The following TTC29 variants were observed in gnomAD, a reference collection of about 807,000 sequenced individuals.
TTC29 encodes tetratricopeptide repeat domain 29, also known as tetratricopeptide repeat protein 29.
In TTC29, 49 loss-of-function variants were observed where a neutral mutation model predicts 58.1. The observed-to-expected ratio is 0.84, with a 90% confidence interval of 0.67 to 1.07. TTC29 has a LOEUF of 1.07. Ranked by LOEUF, TTC29 falls within the 50% of genes least tolerant of loss-of-function variation. TTC29 has a pLI of 0.00. For synonymous variants in TTC29, 209 were observed against 196.8 expected (o/e 1.06, Z -0.52); for missense variants, 582 against 555.6 (o/e 1.05, Z -0.48).
chr4:146,897,549 T>C (rs1732852674), intron 6 of TTC29, among the ~76,000 whole-genome samples: 1 of 152,196 alleles, frequency 6.6e-6, no homozygotes. Flanking sequence ...CTGCTGATCA[T>C]GCAGGGGAGG....
At chr4:146,856,016 T>A (rs1306981624) in intron 8 of TTC29, among the ~76,000 whole-genome samples, 1 of 152,206 alleles carries the variant, frequency 6.6e-6, no homozygotes, top group Admixed American at 6.5e-5. Flanking sequence ...TGATGAACTA[T>A]GCAGGTTGCT....
intron 11 of TTC29, among the ~76,000 whole-genome samples, chr4:146,756,120 A>C (rs1309527491): frequency 6.6e-6 from 1 of 151,994 alleles, no homozygotes; most frequent in Non-Finnish European, 1.5e-5. Flanking sequence ...TAAAAATACA[A>C]AAAATTAGCC....
intron 10 of TTC29, among the ~76,000 whole-genome samples, chr4:146,804,244 G>A (rs901511235): frequency 3.9e-5 from 6 of 152,238 alleles, no homozygotes; most frequent in Admixed American, 1.3e-4. Context: ...CATGGTCTTC[G>A]CAACCCACAG....
chr4:146,829,762 G>A (rs1335390683), intron 9 of TTC29, among the ~76,000 whole-genome samples: 1 of 152,094 alleles, frequency 6.6e-6, no homozygotes, highest in Non-Finnish European at 1.5e-5. Flanking sequence ...AAGTTTTCTA[G>A]GAAATAATTT....
intron 8 of TTC29, among the ~76,000 whole-genome samples, chr4:146,841,201 G>A (rs964515922): frequency 3.3e-5 from 5 of 152,128 alleles, no homozygotes; most frequent in Non-Finnish European, 7.4e-5. Context: ...CATGTTTGGT[G>A]AAATTTGCCG....
intron 10 of TTC29, among the ~76,000 whole-genome samples, chr4:146,819,602 T>C (rs565190560): frequency 6.6e-6 from 1 of 152,332 alleles, no homozygotes; most frequent in East Asian, 1.9e-4. Context: ...TTTGGACTTT[T>C]TTGTTCTTCT....
rs190105406 is a variant in TTC29 at position 146,845,095 on chromosome 4, A to G, written c.886-11198T>C. On this transcript the variant is annotated intron_variant, in intron 8 of 12. Coordinates refer to ENST00000325106, the MANE Select transcript of TTC29 (RefSeq NM_031956.4). ...CTGTTTGCTTCTCCTGGGAATTCGT[A>G]GGATTAGGGTTTCTCTCCTTGCCAC... Among the ~76,000 whole-genome samples, 459 of 152,252 alleles carry G rather than the reference A, an allele frequency of 3.0e-3. 3 individuals are homozygous for G. The highest frequency in any genetic ancestry group is 0.011 in the African/African-American group (439 of 41,554).
chr4:146,870,264 G>T (rs1349144617), intron 7 of TTC29, among the ~76,000 whole-genome samples: 1 of 151,832 alleles, frequency 6.6e-6, no homozygotes, highest in Non-Finnish European at 1.5e-5. Flanking sequence ...ATAAACAATG[G>T]GTCAAAGAAG....
At chr4:146,922,718 G>A (rs1734677211) in intron 4 of TTC29, among the ~76,000 whole-genome samples, 1 of 151,512 alleles carries the variant, frequency 6.6e-6, no homozygotes. Flanking sequence ...CATCAACAGA[G>A]GCAGTCCAAC....
intron 6 of TTC29, among the ~76,000 whole-genome samples, chr4:146,894,361 T>A (rs1476300153): frequency 2.0e-5 from 3 of 151,936 alleles, no homozygotes; most frequent in Non-Finnish European, 4.4e-5. Flanking sequence ...TAAAAAATGA[T>A]GAGTTCATGT....
chr4:146,846,936 T>C (rs1307319996), intron 8 of TTC29, among the ~76,000 whole-genome samples: 2 of 152,200 alleles, frequency 1.3e-5, no homozygotes, highest in Non-Finnish European at 2.9e-5. Flanking sequence ...AGGCCATTAT[T>C]CTGATAAACT....
intron 11 of TTC29, among the ~76,000 whole-genome samples, chr4:146,734,512 A>G (rs1226380230): frequency 6.6e-6 from 1 of 152,126 alleles, no homozygotes; most frequent in Non-Finnish European, 1.5e-5. Context: ...CCCCAACTTG[A>G]AACTGGTCTG....
chr4:146,709,617 C>T (rs529969078), intron 11 of TTC29, among the ~76,000 whole-genome samples: 10 of 152,198 alleles, frequency 6.6e-5, no homozygotes, highest in African/African-American at 1.9e-4. Context: ...TGAGATGCCT[C>T]GTCTTAAATT....
intron 11 of TTC29, among the ~76,000 whole-genome samples, chr4:146,746,159 A>G (rs1745533157): frequency 2.6e-5 from 4 of 152,130 alleles, no homozygotes; most frequent in Admixed American, 2.6e-4. Context: ...GGGAGGATAG[A>G]TTTTATGAAT....
chr4:146,839,535 CGT>C (rs5862775), intron 8 of TTC29, among the ~76,000 whole-genome samples: 14,518 of 140,280 alleles, frequency 0.1, 771 homozygotes, highest in Admixed American at 0.17. Flanking sequence ...TACATGAACT[CGT>C]GTGTGTGTGT....
At position 146,833,915 on chromosome 4, in the gene TTC29, A is replaced by G. The variant is rs760357075; in HGVS notation, c.886-18T>C. On this transcript the variant is annotated intron_variant, in intron 8 of 12. Coordinates refer to ENST00000325106, the MANE Select transcript of TTC29 (RefSeq NM_031956.4). ...TCAAGGACCTATCAGGAAGAGAAAT[A>G]CATATTGAACATATAGCACAGCCAG... 1.7e-5 allele frequency: 26 copies of G among 1,515,684 alleles called. No homozygotes were observed. Among genetic ancestry groups the G allele is most frequent in the Non-Finnish European group, 2.4e-5 (26 of 1,092,730 alleles). The allele number at this position is 1,515,684 out of a possible 1,614,324, so 93.9% of individuals were successfully genotyped here.
Position 146,707,514 on chromosome 4 carries a change from T to C in TTC29, c.1368A>G (p.Gln456=). 6.2e-7 allele frequency: 1 copy of C among 1,610,488 alleles called. No homozygotes were observed. Among genetic ancestry groups the C allele is most frequent in the Non-Finnish European group, 8.5e-7 (1 of 1,178,940 alleles). ...TGAGTTCTTCCAAACGTTCTGAGTT[T>C]TGAGATACAGCTTCCACTGTGGATC... ...FRGSTVEAVS[Q]NSERLEELSR... Residue 456 remains glutamine, a synonymous_variant, in exon 12 of 13, where the codon CAA becomes CAG. Coordinates refer to ENST00000325106, the MANE Select transcript of TTC29 (RefSeq NM_031956.4).
intron 6 of TTC29, among the ~76,000 whole-genome samples, chr4:146,894,804 T>C (rs1157076979): frequency 6.6e-6 from 1 of 152,160 alleles, no homozygotes; most frequent in Admixed American, 6.6e-5. Flanking sequence ...ACCGTAACTA[T>C]TGTGCCTACT....
intron 11 of TTC29, among the ~76,000 whole-genome samples, chr4:146,784,291 A>T (rs182230734): frequency 7.0e-4 from 107 of 152,074 alleles, no homozygotes; most frequent in Middle Eastern, 3.4e-3. Context: ...ACAAAAATTT[A>T]AAAAAAATTA....
Sources: allele counts gnomAD v4.1 joint callset (sites outside exome capture counted in the v4.1 genomes callset), GRCh38; gene constraint gnomAD v4.1.1; transcripts MANE v1.5; gene names NCBI Gene and HGNC (gene_info 2026-07-23, HGNC 2026-07-21).